PKHD1L1: variants seen among roughly 807,000 people sequenced by gnomAD.
The protein encoded by PKHD1L1 is PKHD1 like 1.
A neutral mutation model predicts 462.9 loss-of-function variants in PKHD1L1; 434 were observed. That is an observed-to-expected ratio of 0.94 (90% confidence interval 0.87 to 1.02). PKHD1L1 has a LOEUF of 1.02. PKHD1L1 is among the 50% of genes least tolerant of loss of function. The pLI, the probability that PKHD1L1 is intolerant of heterozygous loss-of-function variation, is 0.00. For missense variants in PKHD1L1, 5,202 were observed against 5,096.1 expected (o/e 1.02, Z -0.63); for synonymous variants, 1,781 against 1,750.0 (o/e 1.02, Z -0.44).
intron 2 of PKHD1L1, among the ~76,000 whole-genome samples, chr8:109,370,249 G>C (rs774592283): frequency 6.6e-6 from 1 of 152,026 alleles, no homozygotes; most frequent in Non-Finnish European, 1.5e-5. Flanking sequence ...CTCCCGAGTA[G>C]CTGGAATTAC....
chr8:109,411,598 C>T (rs982516350), intron 19 of PKHD1L1, among the ~76,000 whole-genome samples: 7 of 152,172 alleles, frequency 4.6e-5, no homozygotes, highest in African/African-American at 1.7e-4. Context: ...CATGCATTTC[C>T]ATGCTGCACC....
rs1270600811 is a variant in PKHD1L1 at position 109,438,418 on chromosome 8, T to G, written c.3722T>G (p.Ile1241Ser). The G allele has an allele frequency of 6.5e-7, 1 of 1,540,594 alleles. No homozygotes were observed. Among genetic ancestry groups the G allele is most frequent in the South Asian group, 1.2e-5 (1 of 81,740 alleles). Residue 1241 changes from isoleucine to serine, a missense_variant, in exon 31 of 78, where the codon ATT (isoleucine) becomes AGT (serine). Coordinates refer to ENST00000378402, the MANE Select transcript of PKHD1L1 (RefSeq NM_177531.6). ...AFSYNCLQTP[I>S]ITDFSPKVRT... ...AGTTATAATTGTTTACAGACACCAA[T>G]TATAACTGATTTTAGTCCAAAAGTA... is the stretch of plus-strand genomic sequence containing the variant.
intron 63 of PKHD1L1, among the ~76,000 whole-genome samples, chr8:109,494,382 T>G (rs905334446): frequency 8.6e-5 from 13 of 151,950 alleles, no homozygotes; most frequent in African/African-American, 3.1e-4. Flanking sequence ...GTATTTCCAC[T>G]TCTATGAATC....
chr8:109,365,964 C>G (rs1811210790), intron 2 of PKHD1L1, among the ~76,000 whole-genome samples: 1 of 152,108 alleles, frequency 6.6e-6, no homozygotes, highest in African/African-American at 2.4e-5. Flanking sequence ...CAGAGCGAGT[C>G]TCCATCTCAA....
Position 109,419,110 on chromosome 8 carries a change from T to C in PKHD1L1, c.2374T>C (p.Cys792Arg), listed in dbSNP as rs1477601216. The change falls in exon 22 of 78, where the codon TGC (cysteine) becomes CGC (arginine). Residue 792 changes from cysteine (C) to arginine (R), a missense_variant. Physicochemically the swap from Cys to Arg is radical, Grantham distance 180. This residue lies in a region of PKHD1L1 where 4,497 missense variants were observed against 4,336.8 expected (regional missense o/e 1.04). Coordinates refer to ENST00000378402, the MANE Select transcript of PKHD1L1 (RefSeq NM_177531.6). ...ACCGTATTTCAGCTGGACTTACACT[T>C]GCATAGACCTTCTGGATCTCGTAAG... is the stretch of plus-strand genomic sequence containing the variant. Reference protein sequence around the residue: ...FAYGNNWTYTCIDLLDLVRTK... With the variant: ...FAYGNNWTYTRIDLLDLVRTK... The C allele has an allele frequency of 1.2e-6, 2 of 1,613,114 alleles. No homozygotes were observed. The highest frequency in any genetic ancestry group is 2.2e-5 in the South Asian group (2 of 90,978).
rs751704322 is a variant in PKHD1L1 at position 109,485,204 on chromosome 8, T to C, written c.9706+31T>C. ...TGGATGCTTTTTAACCAAATAGATATATAATTGTGTTGAAAGATTCACATT... is the reference window on the plus strand; with the variant it reads ...TGGATGCTTTTTAACCAAATAGATACATAATTGTGTTGAAAGATTCACATT... On this transcript the variant is annotated intron_variant, in intron 58 of 77. Coordinates refer to ENST00000378402, the MANE Select transcript of PKHD1L1 (RefSeq NM_177531.6). The C allele has an allele frequency of 6.8e-6, 10 of 1,465,608 alleles. 1 individual carries two copies. In the South Asian group the frequency reaches 8.2e-5, roughly 12 times the overall value. The allele number at this position is 1,465,608 out of a possible 1,614,324, so 90.8% of individuals were successfully genotyped here.
Position 109,479,655 on chromosome 8 carries a change from CAAAT to C in PKHD1L1, c.9178+17_9178+20del, listed in dbSNP as rs773010098. On this transcript the variant is annotated intron_variant, in intron 54 of 77. Transcript: ENST00000378402. ...ATACCTGAAGGTAAATGCGTAAACA[CAAAT>C]GAATGAAATGTTTGTTTTCTGCAAT... 2 of 1,391,968 alleles carry C rather than the reference CAAAT, an allele frequency of 1.4e-6. No homozygotes were observed. The highest frequency in any genetic ancestry group is 1.8e-4 in the Middle Eastern group (1 of 5,686). The allele number at this position is 1,391,968 out of a possible 1,614,324, so 86.2% of individuals were successfully genotyped here.
At chr8:109,497,520 C>T (rs897879178) in intron 65 of PKHD1L1, among the ~76,000 whole-genome samples, 1 of 150,914 alleles carries the variant, frequency 6.6e-6, no homozygotes, top group African/African-American at 2.4e-5. Flanking sequence ...GCAAACTCTG[C>T]CTCCCGGGTT....
Position 109,442,947 on chromosome 8 carries a change from T to C in PKHD1L1, c.4395T>C (p.Gly1465=). The change falls in exon 36 of 78, where the codon GGT becomes GGC. Residue 1465 remains glycine, a splice_region_variant and synonymous_variant. Coordinates refer to ENST00000378402, the MANE Select transcript of PKHD1L1 (RefSeq NM_177531.6). The part of the protein sequence containing the change: ...FTSGRQKSTS[G]SFSYQFTSPG... ...ACGTACAATCTCATTTTATGGCAGG[T>C]TCATTTTCTTACCAATTTACTTCTC... is the stretch of plus-strand genomic sequence containing the variant. The C allele has an allele frequency of 1.3e-6, 2 of 1,567,960 alleles. No individual in the cohort carries two copies. Among genetic ancestry groups the C allele is most frequent in the Non-Finnish European group, 1.7e-6 (2 of 1,160,304 alleles).
intron 4 of PKHD1L1, 135 bp from the exon 5 acceptor site, chr8:109,383,935 T>G: frequency 1.4e-6 from 1 of 699,918 alleles, no homozygotes; most frequent in Non-Finnish European, 2.5e-6. Flanking sequence ...TTCATCTTAT[T>G]TAAATATCTT....
At chr8:109,374,677 C>T (rs1450334421) in intron 2 of PKHD1L1, among the ~76,000 whole-genome samples, 3 of 152,162 alleles carry the variant, frequency 2.0e-5, no homozygotes, top group African/African-American at 7.2e-5. Context: ...CCTTCAGGAG[C>T]TCTTTTAGGG....
chr8:109,419,086 C>T lies in PKHD1L1; in HGVS notation c.2361-11C>T. On this transcript the variant is annotated splice_polypyrimidine_tract_variant and intron_variant, in intron 21 of 77. Transcript: ENST00000378402. Reference sequence around the variant, plus strand: ...CTGATCTATACAACAAATTAATCAACCGTATTTCAGCTGGACTTACACTTG... The same window carrying T: ...CTGATCTATACAACAAATTAATCAATCGTATTTCAGCTGGACTTACACTTG... The T allele has an allele frequency of 6.2e-7, 1 of 1,607,280 alleles. No individual in the cohort carries two copies. The highest frequency in any genetic ancestry group is 8.5e-7 in the Non-Finnish European group (1 of 1,175,448).
rs1033235596 is a variant in PKHD1L1 at position 109,371,744 on chromosome 8, C to T, written c.163+7108C>T. Among the ~76,000 whole-genome samples, 181 of 150,976 alleles carry T rather than the reference C, an allele frequency of 1.2e-3. 1 individual carries two copies. The highest frequency in any genetic ancestry group is 4.2e-3 in the African/African-American group (173 of 41,124). ...TATGGCTAGCCAGTTTTCCCAGCAC[C>T]ATTTATTAAATAGGGAATCCTTTCC... On this transcript the variant is annotated intron_variant, in intron 2 of 77. Transcript: ENST00000378402.
Position 109,476,516 on chromosome 8 carries a change from C to G in PKHD1L1, c.8766C>G (p.Asp2922Glu), listed in dbSNP as rs756803013. The change falls in exon 52 of 78, where the codon GAC becomes GAG. Residue 2922 changes from aspartate (D) to glutamate (E), a missense_variant. By Grantham distance (45) the Asp-to-Glu change is conservative. Around this residue, in one of 3 missense-constraint regions of PKHD1L1, gnomAD observed 4,497 missense variants for 4,336.8 expected, o/e 1.04. Coordinates refer to ENST00000378402, the MANE Select transcript of PKHD1L1 (RefSeq NM_177531.6). ...TSTFYGFKEE[D>E]YVIISHNFTQ... The stretch of plus-strand genomic sequence containing the variant: ...TCTATAAACTTTTATAGGAAGAAGA[C>G]TATGTAATTATATCACATAACTTCA... 6.8e-6 allele frequency: 10 copies of G among 1,472,252 alleles called. No individual in the cohort carries two copies. The South Asian group carries it at 1.2e-4, about 18-fold the overall frequency. The allele number at this position is 1,472,252 out of a possible 1,614,324, so 91.2% of individuals were successfully genotyped here. A position where few individuals can be genotyped will look rare whatever the true frequency, so the allele number is the denominator to read the frequency against.
rs576974990 is a variant in PKHD1L1, at chr8:109,398,553, G to GT, written c.1012+7dup. The GT allele has an allele frequency of 1.3e-4, 197 of 1,482,932 alleles. No individual in the cohort carries two copies. The highest frequency in any genetic ancestry group is 1.7e-4 in the Non-Finnish European group (189 of 1,080,376). The allele number at this position is 1,482,932 out of a possible 1,614,324, so 91.9% of individuals were successfully genotyped here. ...TTCTCAAAACTGTATATCCAGGTAA[G>GT]TTACCATAAGGGACAATGGCCATTT... On this transcript the variant is annotated splice_donor_region_variant and intron_variant, in intron 12 of 77. Transcript: ENST00000378402.
At chr8:109,468,744 G>A (rs1312710748) in intron 50 of PKHD1L1, among the ~76,000 whole-genome samples, 4 of 152,158 alleles carry the variant, frequency 2.6e-5, no homozygotes, top group Admixed American at 1.3e-4. Flanking sequence ...TGGTGACTTC[G>A]AGGATTATTA....
At chr8:109,430,118 A>C in intron 27 of PKHD1L1, 81 bp downstream of exon 27, 1 of 864,552 alleles carries the variant, frequency 1.2e-6, no homozygotes, top group Non-Finnish European at 1.8e-6. Context: ...TTTTAAAACT[A>C]TGTTTCTACT....
chr8:109,499,362 G>A (rs1408974409), intron 67 of PKHD1L1: 1 of 152,198 alleles, frequency 6.6e-6, no homozygotes, highest in African/African-American at 2.4e-5. Context: ...TTTAACCAGT[G>A]TCTCTGAAGA....
intron 3 of PKHD1L1, among the ~76,000 whole-genome samples, chr8:109,382,181 A>G (rs140092405): frequency 6.8e-6 from 1 of 146,696 alleles, no homozygotes; most frequent in East Asian, 2.1e-4. Flanking sequence ...AATGTTTATT[A>G]TTGCATTTGT....
Sources: allele counts gnomAD v4.1 joint callset (sites outside exome capture counted in the v4.1 genomes callset), GRCh38; gene constraint gnomAD v4.1.1; regional missense constraint gnomAD v4.1.1; transcripts MANE v1.5; gene names NCBI Gene and HGNC (gene_info 2026-07-23, HGNC 2026-07-21).